GATAD2A: variants seen among roughly 807,000 people sequenced by gnomAD.
GATAD2A encodes transcriptional repressor p66-alpha.
A neutral mutation model predicts 68.5 loss-of-function variants in GATAD2A; 12 were observed. That is an observed-to-expected ratio of 0.18 (90% CI 0.11 to 0.28). GATAD2A has a LOEUF of 0.28. Ranked by LOEUF, GATAD2A falls within the 10% of genes least tolerant of loss-of-function variation. The pLI, the probability that GATAD2A is intolerant of heterozygous loss-of-function variation, is 1.00. For missense variants in GATAD2A, 755 were observed against 868.5 expected, an observed-to-expected ratio of 0.87 and a Z score of 1.64; for synonymous variants, 410 against 375.3, an observed-to-expected ratio of 1.09 and a Z score of -1.07.
At chr19:19,432,502 T>C (rs1018599899) in intron 1 of GATAD2A, among the ~76,000 whole-genome samples, 1 of 152,258 alleles carries the variant, frequency 6.6e-6, no homozygotes, top group Middle Eastern at 3.4e-3. Context: ...GGTTTCGCCA[T>C]GTTGGCCAGG....
At chr19:19,481,558 T>C (rs2059061877) in intron 2 of GATAD2A, among the ~76,000 whole-genome samples, 2 of 151,984 alleles carry the variant, frequency 1.3e-5, no homozygotes, top group South Asian at 4.2e-4. Context: ...ACTCCAAAGC[T>C]CAGGTCATCC....
chr19:19,501,448 C>T (rs1214566405), intron 9 of GATAD2A, 32 bp downstream of exon 9: 2 of 1,527,090 alleles, frequency 1.3e-6, no homozygotes, highest in Non-Finnish European at 1.8e-6. Flanking sequence ...CAGTGCCGTC[C>T]CTAGGAGGCA....
intron 2 of GATAD2A, among the ~76,000 whole-genome samples, chr19:19,477,070 C>T (rs2058722456): frequency 6.6e-6 from 1 of 152,234 alleles, no homozygotes; most frequent in African/African-American, 2.4e-5. Context: ...AATTGAGGCT[C>T]CACCATAGTG....
At chr19:19,461,147 C>G (rs1023780691) in intron 1 of GATAD2A, among the ~76,000 whole-genome samples, 1 of 152,166 alleles carries the variant, frequency 6.6e-6, no homozygotes, top group Non-Finnish European at 1.5e-5. Flanking sequence ...TAAAATCCAC[C>G]GTTAAGAGCA....
At chr19:19,445,465 T>C (rs562836562) in intron 1 of GATAD2A, among the ~76,000 whole-genome samples, 6 of 152,372 alleles carry the variant, frequency 3.9e-5, no homozygotes, top group African/African-American at 1.4e-4. Context: ...TGTTGTTTAG[T>C]GGCATTTAAC....
intron 1 of GATAD2A, among the ~76,000 whole-genome samples, chr19:19,393,033 C>T (rs1421894954): frequency 4.6e-5 from 7 of 151,834 alleles, no homozygotes; most frequent in East Asian, 3.9e-4. Context: ...GGGCCAGGTG[C>T]GGTGGCTTAC....
Position 19,492,430 on chromosome 19 carries a change from G to T in GATAD2A, c.394G>T (p.Ala132Ser), listed in dbSNP as rs1379868484. The T allele has an allele frequency of 1.2e-6, 2 of 1,613,928 alleles. No individual in the cohort carries two copies. Among genetic ancestry groups the T allele is most frequent in the South Asian group, 1.1e-5 (1 of 91,086 alleles). ...GGCCTTGAAGGAGACTAGCACCGAG[G>T]CCCTCATGGTGAGCCACGTGTTGGC... ...TVALKETSTE[A>S]LMKSSPEERE... Residue 132 changes from alanine to serine, a missense_variant, in exon 3 of 12, where the codon GCC becomes TCC. Physicochemically the swap from Ala to Ser is moderately conservative, Grantham distance 99 (BLOSUM62 1). Transcript: ENST00000683918.
At chr19:19,391,015 A>T (rs1480616972) in intron 1 of GATAD2A, among the ~76,000 whole-genome samples, 1 of 152,080 alleles carries the variant, frequency 6.6e-6, no homozygotes, top group Non-Finnish European at 1.5e-5. Context: ...AACTCAGCTT[A>T]GAGGCTGGGG....
At chr19:19,421,714 T>C (rs2052438233) in intron 1 of GATAD2A, among the ~76,000 whole-genome samples, 1 of 152,276 alleles carries the variant, frequency 6.6e-6, no homozygotes, top group Admixed American at 6.5e-5. Flanking sequence ...TTCAGCCTCT[T>C]GTGGGGCCCC....
At chr19:19,487,662 A>T (rs1395475605) in intron 2 of GATAD2A, among the ~76,000 whole-genome samples, 1 of 152,150 alleles carries the variant, frequency 6.6e-6, no homozygotes, top group African/African-American at 2.4e-5. Flanking sequence ...AGGGCCGGGC[A>T]GGCTTCCTGA....
Position 19,505,497 on chromosome 19 carries a change from A to G in GATAD2A, c.*23A>G. 6.4e-7 allele frequency: 1 copy of G among 1,552,202 alleles called. No homozygotes were observed. The highest frequency in any genetic ancestry group is 8.7e-7 in the Non-Finnish European group (1 of 1,148,684). Reference sequence around the variant, plus strand: ...TAGTGCGAGCCAGGCCCCGTGGAAGACGGGCTCCCTCCTCCCCCACCTGGC... The same window carrying G: ...TAGTGCGAGCCAGGCCCCGTGGAAGGCGGGCTCCCTCCTCCCCCACCTGGC... On this transcript the variant is annotated 3_prime_UTR_variant, in exon 12 of 12. Transcript: ENST00000683918.
chr19:19,435,172 G>A (rs1478438744), intron 1 of GATAD2A: 1 of 529,242 alleles, frequency 1.9e-6, no homozygotes, highest in Non-Finnish European at 3.9e-6. Flanking sequence ...CAGAGATGCT[G>A]TGTGAGCATA....
chr19:19,429,316 G>GGGCT, intron 1 of GATAD2A: 1 of 735,568 alleles, frequency 1.4e-6, no homozygotes, highest in East Asian at 1.3e-4. Flanking sequence ...GAGCTAGGAG[G>GGGCT]GGCTCTCCTG....
intron 1 of GATAD2A, among the ~76,000 whole-genome samples, chr19:19,396,228 C>G (rs2049233564): frequency 6.6e-6 from 1 of 152,074 alleles, no homozygotes; most frequent in South Asian, 2.1e-4. Context: ...GTAGGAGAAT[C>G]GCTTGAACCT....
rs546029018 is a variant in GATAD2A, at chr19:19,494,839, G to C, written c.624+456G>C. ...TCTAGGGGGTGACCATGCCCATCCT[G>C]CCGTGGGCCGGCCAGTGTCACGTGA... On this transcript the variant is annotated intron_variant, in intron 5 of 11. Transcript: ENST00000683918. Among the ~76,000 whole-genome samples the C allele has an allele frequency of 3.3e-5, 5 of 152,324 alleles. No individual in the cohort carries two copies. In the South Asian group the frequency reaches 6.2e-4, roughly 19 times the overall value.
chr19:19,463,885 C>A (rs1055918054), intron 1 of GATAD2A, among the ~76,000 whole-genome samples: 4 of 152,222 alleles, frequency 2.6e-5, no homozygotes, highest in African/African-American at 9.6e-5. Context: ...CGTGAAGCAG[C>A]TGTCTCTTTC....
At chr19:19,501,481 C>T (rs1377508826) in intron 9 of GATAD2A, 65 bp downstream of exon 9, 4 of 1,246,498 alleles carry the variant, frequency 3.2e-6, no homozygotes, top group Non-Finnish European at 3.3e-6. Context: ...CGATCCACCC[C>T]ACGCCTGCGC....
chr19:19,414,911 T>C (rs1414449193), intron 1 of GATAD2A, among the ~76,000 whole-genome samples: 1 of 134,456 alleles, frequency 7.4e-6, no homozygotes, highest in African/African-American at 2.9e-5. Context: ...GGGCAGGACA[T>C]GGGGAGGGAG....
chr19:19,405,881 C>G lies in GATAD2A; in HGVS notation c.-145C>G, dbSNP rs1423712254. The G allele has an allele frequency of 2.1e-5, 3 of 146,002 alleles. No individual in the cohort carries two copies. The highest frequency in any genetic ancestry group is 3.0e-5 in the Non-Finnish European group (2 of 65,754). 9.0% of individuals were successfully genotyped at this position (146,002 alleles called of 1,614,324 possible). A position where few individuals can be genotyped will look rare whatever the true frequency, so the allele number is the denominator to read the frequency against. On this transcript the variant is annotated 5_prime_UTR_variant, in exon 1 of 12. Coordinates refer to ENST00000683918, the MANE Select transcript of GATAD2A (RefSeq NM_001384528.1). ...GACCGGCGCAGCGAGCGCCGCGGGC[C>G]CGGGCGGCCCCACAGGCGGAACGAG... is the stretch of plus-strand genomic sequence containing the variant.
Sources: gnomAD v4.1 joint callset for allele counts (sites outside exome capture counted in the v4.1 genomes callset) on GRCh38, gnomAD v4.1.1 for gene constraint, MANE v1.5 for transcripts, NCBI Gene and HGNC (gene_info 2026-07-23, HGNC 2026-07-21) for gene names.